The following ZFHX3 variants were observed in gnomAD, a reference collection of about 807,000 sequenced individuals.
ZFHX3 encodes the protein zinc finger homeobox 3, also known as zinc finger homeobox protein 3.
Under a neutral mutation model 279.1 loss-of-function variants are expected in ZFHX3, and 42 were observed. The observed-to-expected ratio is 0.15, with a 90% CI of 0.12 to 0.19. ZFHX3 has a LOEUF of 0.19. Ranked by LOEUF, ZFHX3 falls within the 10% of genes least tolerant of loss-of-function variation. The pLI is 1.00. For synonymous variants in ZFHX3, 2,293 were observed against 1,957.8 expected, an observed-to-expected ratio of 1.17 and a Z score of -4.52; for missense variants, 4,981 against 4,754.0, an observed-to-expected ratio of 1.05 and a Z score of -1.40.
At chr16:73,605,730 G>C (rs1226983814) in intron 2 of ZFHX3, among the ~76,000 whole-genome samples, 1 of 152,096 alleles carries the variant, frequency 6.6e-6, no homozygotes, top group Non-Finnish European at 1.5e-5. Context: ...GTCGTGAACA[G>C]CAGACATTCT....
chr16:73,728,185 G>A (rs1478360765), intron 1 of ZFHX3, among the ~76,000 whole-genome samples: 1 of 151,988 alleles, frequency 6.6e-6, no homozygotes, highest in Non-Finnish European at 1.5e-5. Flanking sequence ...AGGAGATTTG[G>A]ATTTCTCGAG....
intron 3 of ZFHX3, among the ~76,000 whole-genome samples, chr16:73,344,684 TACAGAGAGAG>T (rs1293932605): frequency 6.6e-6 from 1 of 151,842 alleles, no homozygotes; most frequent in Admixed American, 6.6e-5. Context: ...ATTATATATC[TACAGAGAGAG>T]ACAGAGAGAG....
intron 4 of ZFHX3, chr16:73,293,762 G>C (rs965888549): frequency 6.6e-6 from 1 of 152,218 alleles, no homozygotes; most frequent in African/African-American, 2.4e-5. Flanking sequence ...GATTCACGGA[G>C]GTGGGTAATA....
intron 7 of ZFHX3, among the ~76,000 whole-genome samples, chr16:72,801,832 G>A (rs2036109912): frequency 6.6e-6 from 1 of 151,938 alleles, no homozygotes; most frequent in Non-Finnish European, 1.5e-5. Context: ...AGTCCAGCGG[G>A]AATCCGAGAA....
chr16:72,830,939 GACCCCAGC>G (rs2037046179), intron 4 of ZFHX3, among the ~76,000 whole-genome samples: 1 of 152,188 alleles, frequency 6.6e-6, no homozygotes, highest in Admixed American at 6.5e-5. Flanking sequence ...CAGCAGACCA[GACCCCAGC>G]AAGGAAGTAC....
intron 1 of ZFHX3, among the ~76,000 whole-genome samples, chr16:73,834,339 G>T (rs911318384): frequency 6.6e-6 from 1 of 152,180 alleles, no homozygotes; most frequent in African/African-American, 2.4e-5. Flanking sequence ...CATGAAAAAG[G>T]TTAAGTTGTA....
chr16:72,966,772 A>G (rs1258838607), intron 1 of ZFHX3, among the ~76,000 whole-genome samples: 1 of 152,230 alleles, frequency 6.6e-6, no homozygotes, highest in African/African-American at 2.4e-5. Context: ...TATGGGTTCC[A>G]CCTAGTTCCA....
chr16:73,456,882 A>G (rs1356659157), intron 2 of ZFHX3, among the ~76,000 whole-genome samples: 1 of 152,212 alleles, frequency 6.6e-6, no homozygotes, highest in Non-Finnish European at 1.5e-5. Context: ...TCCCCTTTAA[A>G]TCTTGCAATT....
intron 2 of ZFHX3, among the ~76,000 whole-genome samples, chr16:73,653,182 G>A (rs1399937851): frequency 2.0e-5 from 3 of 152,070 alleles, no homozygotes; most frequent in Admixed American, 1.3e-4. Context: ...TTATTGGATG[G>A]ACAGAAAAAA....
chr16:73,595,590 G>T (rs8045437), intron 2 of ZFHX3, among the ~76,000 whole-genome samples: 4 of 152,050 alleles, frequency 2.6e-5, no homozygotes, highest in African/African-American at 4.8e-5. Flanking sequence ...ACACTCTCTG[G>T]GTGTGATACA....
intron 6 of ZFHX3, among the ~76,000 whole-genome samples, chr16:73,138,485 T>C (rs141362439): frequency 2.0e-5 from 3 of 151,350 alleles, no homozygotes; most frequent in East Asian, 3.9e-4. Flanking sequence ...GCAAGAAGAG[T>C]AGGAGGCAGG....
chr16:73,332,642 C>A (rs1003420949), intron 3 of ZFHX3, among the ~76,000 whole-genome samples: 1 of 152,186 alleles, frequency 6.6e-6, no homozygotes, highest in African/African-American at 2.4e-5. Flanking sequence ...TTAACTGTAT[C>A]GGATATGGGA....
chr16:72,795,820 C>G lies in ZFHX3; in HGVS notation c.6862G>C (p.Val2288Leu). 1 of 1,614,184 alleles carries G rather than the reference C, an allele frequency of 6.2e-7. No homozygotes were observed. The highest frequency in any genetic ancestry group is 8.5e-7 in the Non-Finnish European group (1 of 1,180,028). ...TTCTGTCGGGCATTCTGAAACCACACCACTATCACTCGGGTTGGAAGGTTC... is the reference window on the plus strand; with the variant it reads ...TTCTGTCGGGCATTCTGAAACCACAGCACTATCACTCGGGTTGGAAGGTTC... ...LLNLPTRVIV[V>L]WFQNARQKAR... The change falls in exon 9 of 10, where the codon GTG becomes CTG. Residue 2288 changes from valine to leucine, a missense_variant. Coordinates refer to ENST00000268489, the MANE Select transcript of ZFHX3 (RefSeq NM_006885.4).
At chr16:73,438,106 C>A (rs949336229) in intron 3 of ZFHX3, among the ~76,000 whole-genome samples, 4 of 152,024 alleles carry the variant, frequency 2.6e-5, no homozygotes, top group African/African-American at 9.7e-5. Flanking sequence ...AAATGTGGGT[C>A]CATCAATTTT....
intron 1 of ZFHX3, among the ~76,000 whole-genome samples, chr16:72,982,242 G>A (rs1962638155): frequency 1.3e-5 from 2 of 152,084 alleles, no homozygotes; most frequent in South Asian, 4.1e-4. Flanking sequence ...AATAGAATGG[G>A]AATCATATTT....
chr16:73,503,499 G>A (rs1206073855), intron 2 of ZFHX3, among the ~76,000 whole-genome samples: 2 of 152,152 alleles, frequency 1.3e-5, no homozygotes, highest in Admixed American at 6.5e-5. Flanking sequence ...ACTCCATGGC[G>A]GCACCTACCC....
At chr16:73,290,090 T>A (rs2014731016) in intron 4 of ZFHX3, among the ~76,000 whole-genome samples, 1 of 151,680 alleles carries the variant, frequency 6.6e-6, no homozygotes, top group Admixed American at 6.6e-5. Context: ...ATAAGCTCAT[T>A]TCTGTAAATC....
chr16:73,881,138 CT>C (rs1469693510), intron 1 of ZFHX3, among the ~76,000 whole-genome samples: 24 of 152,216 alleles, frequency 1.6e-4, no homozygotes, highest in African/African-American at 5.8e-4. Flanking sequence ...CACATACTCA[CT>C]CATTCAGAAT....
intron 4 of ZFHX3, among the ~76,000 whole-genome samples, chr16:73,263,349 T>G (rs1234090682): frequency 6.6e-6 from 1 of 152,138 alleles, no homozygotes; most frequent in Non-Finnish European, 1.5e-5. Context: ...CTTGGCTAAC[T>G]TATTTTTATT....
Sources: allele counts gnomAD v4.1 joint callset (sites outside exome capture counted in the v4.1 genomes callset), GRCh38; gene constraint gnomAD v4.1.1; transcripts MANE v1.5; gene names NCBI Gene and HGNC (gene_info 2026-07-23, HGNC 2026-07-21).